GFOD1: variants seen among roughly 807,000 people sequenced by gnomAD.
GFOD1 encodes glucose-fructose oxidoreductase domain-containing protein 1.
In GFOD1, 9 loss-of-function variants were observed where a neutral mutation model predicts 25.4. The observed-to-expected ratio is 0.35, with a 90% confidence interval of 0.21 to 0.62. The LOEUF is 0.62. Among genes scored for constraint, GFOD1 ranks in the 20% least tolerant of loss-of-function variants. GFOD1 has a pLI of 0.72. For synonymous variants in GFOD1, 253 were observed against 245.6 expected (o/e 1.03, Z -0.28); for missense variants, 403 against 556.9 (o/e 0.72, Z 2.78).
intron 1 of GFOD1, among the ~76,000 whole-genome samples, chr6:13,380,132 G>C (rs1460654443): frequency 1.3e-5 from 2 of 152,208 alleles, no homozygotes; most frequent in Admixed American, 1.3e-4. Context: ...AAAACAAGTT[G>C]GTGGCAGGGA....
chr6:13,478,179 G>A (rs1007497484), intron 1 of GFOD1, among the ~76,000 whole-genome samples: 1 of 151,282 alleles, frequency 6.6e-6, no homozygotes, highest in Non-Finnish European at 1.5e-5. Context: ...TCATTTTGTT[G>A]CCCAGGCTGG....
chr6:13,458,757 CAAAAAAAAAAA>C (rs5874418), intron 1 of GFOD1, among the ~76,000 whole-genome samples: 20 of 57,242 alleles, frequency 3.5e-4, no homozygotes, highest in Non-Finnish European at 6.7e-4. Flanking sequence ...TCCCCTTGAG[CAAAAAAAAAAA>C]AAAAAAAAAA....
chr6:13,435,726 G>GTGTGGGCCCTAAGTAACAGGCTA (rs1396529575), intron 1 of GFOD1, among the ~76,000 whole-genome samples: 1 of 152,218 alleles, frequency 6.6e-6, no homozygotes, highest in Non-Finnish European at 1.5e-5. Flanking sequence ...TGTGCACAAA[G>GTGTGGGCCCTAAGTAACAGGCTA]TGTGGGCCCT....
At chr6:13,387,702 T>G (rs6926072) in intron 1 of GFOD1, among the ~76,000 whole-genome samples, 1 of 152,126 alleles carries the variant, frequency 6.6e-6, no homozygotes, top group Non-Finnish European at 1.5e-5. Context: ...CTTTGAAAAC[T>G]GGCACAAGAC....
chr6:13,476,286 T>C lies in GFOD1; in HGVS notation c.253+10352A>G, dbSNP rs140156202. Among the ~76,000 whole-genome samples the C allele has an allele frequency of 2.0e-4, 30 of 152,306 alleles. No homozygotes were observed. The East Asian group carries it at 5.6e-3, about 28-fold the overall frequency. ...TAAAGATAAATGAACTTCTGAGCCGTGCAACAACATGGCTGAACATCAAAA... is the reference window on the plus strand; with the variant it reads ...TAAAGATAAATGAACTTCTGAGCCGCGCAACAACATGGCTGAACATCAAAA... On this transcript the variant is annotated intron_variant, in intron 1 of 1. Transcript: ENST00000379287.
chr6:13,429,855 G>A (rs1254442390), intron 1 of GFOD1, among the ~76,000 whole-genome samples: 2 of 152,074 alleles, frequency 1.3e-5, no homozygotes, highest in Non-Finnish European at 2.9e-5. Flanking sequence ...ATACAAATAT[G>A]CTACTATACA....
intron 1 of GFOD1, among the ~76,000 whole-genome samples, chr6:13,445,754 A>T (rs1757991620): frequency 6.6e-6 from 1 of 152,260 alleles, no homozygotes; most frequent in South Asian, 2.1e-4. Flanking sequence ...TAGAAGACAC[A>T]CAAACCAAGT....
At chr6:13,378,946 C>T (rs1785307333) in intron 1 of GFOD1, among the ~76,000 whole-genome samples, 1 of 117,042 alleles carries the variant, frequency 8.5e-6, no homozygotes, top group Non-Finnish European at 2.1e-5. Flanking sequence ...TTATGAGAAC[C>T]CCATCTGCTG....
chr6:13,476,168 T>C (rs2127578616), intron 1 of GFOD1, among the ~76,000 whole-genome samples: 1 of 152,262 alleles, frequency 6.6e-6, no homozygotes, highest in African/African-American at 2.4e-5. Flanking sequence ...TTATTCACAA[T>C]CACTTAACAC....
In GFOD1 at chr6:13,359,377, G is replaced by C. The variant is rs1301788637; in HGVS notation, c.*5366C>G. ...TGGCCTCTGCTCTGTAAACTCCAAG[G>C]CTCTGATGGCCAAAAACGTAGGCGG... On this transcript the variant is annotated 3_prime_UTR_variant, in exon 2 of 2. Coordinates refer to ENST00000379287, the MANE Select transcript of GFOD1 (RefSeq NM_018988.4). 1 of 152,138 alleles carries C rather than the reference G, an allele frequency of 6.6e-6. No individual in the cohort carries two copies. Among genetic ancestry groups the C allele is most frequent in the Non-Finnish European group, 1.5e-5 (1 of 68,060 alleles). 9.4% of individuals were successfully genotyped at this position (152,138 alleles called of 1,614,324 possible).
At chr6:13,428,367 T>TG (rs1584645945) in intron 1 of GFOD1, among the ~76,000 whole-genome samples, 1 of 151,868 alleles carries the variant, frequency 6.6e-6, no homozygotes, top group Non-Finnish European at 1.5e-5. Flanking sequence ...GTGTGAAAAC[T>TG]GGGGGGCTGG....
At chr6:13,470,121 T>G in intron 1 of GFOD1, 1 of 1,467,990 alleles carries the variant, frequency 6.8e-7, no homozygotes. Context: ...AATACTGCAG[T>G]TGGAAAATCC....
intron 1 of GFOD1, among the ~76,000 whole-genome samples, chr6:13,414,605 C>T (rs1326933009): frequency 6.6e-6 from 1 of 152,186 alleles, no homozygotes; most frequent in East Asian, 1.9e-4. Flanking sequence ...CCTCCATAGC[C>T]CCATCTGTAA....
intron 1 of GFOD1, among the ~76,000 whole-genome samples, chr6:13,474,867 G>A (rs918105217): frequency 1.4e-4 from 22 of 152,162 alleles, no homozygotes; most frequent in African/African-American, 5.3e-4. Context: ...CCAGGCATGA[G>A]CACCCCTCAC....
At chr6:13,428,656 C>A (rs1388556652) in intron 1 of GFOD1, among the ~76,000 whole-genome samples, 1 of 150,406 alleles carries the variant, frequency 6.6e-6, no homozygotes, top group Non-Finnish European at 1.5e-5. Flanking sequence ...GCTTCTCTAC[C>A]CAAAGCACCA....
intron 1 of GFOD1, among the ~76,000 whole-genome samples, chr6:13,404,460 T>C (rs1341931612): frequency 6.6e-6 from 1 of 152,226 alleles, no homozygotes; most frequent in Non-Finnish European, 1.5e-5. Flanking sequence ...CTGTAGTATG[T>C]GAAACACGTG....
At chr6:13,451,719 G>A (rs1157376463) in intron 1 of GFOD1, among the ~76,000 whole-genome samples, 1 of 152,190 alleles carries the variant, frequency 6.6e-6, no homozygotes, top group African/African-American at 2.4e-5. Flanking sequence ...AGGTGGCAAG[G>A]ACCAGGGTTG....
At chr6:13,368,365 T>C (rs144371210) in intron 1 of GFOD1, among the ~76,000 whole-genome samples, 2 of 152,346 alleles carry the variant, frequency 1.3e-5, no homozygotes, top group African/African-American at 4.8e-5. Context: ...AGATGAGGAC[T>C]GAGGCTCCGG....
intron 1 of GFOD1, among the ~76,000 whole-genome samples, chr6:13,439,829 C>T (rs1216833435): frequency 1.3e-5 from 2 of 152,200 alleles, no homozygotes; most frequent in Non-Finnish European, 2.9e-5. Context: ...CTTTCAAAGA[C>T]ACCAATGTCT....
Sources: allele counts gnomAD v4.1 joint callset (sites outside exome capture counted in the v4.1 genomes callset), GRCh38; gene constraint gnomAD v4.1.1; transcripts MANE v1.5; gene names NCBI Gene and HGNC (gene_info 2026-07-23, HGNC 2026-07-21).